Variants in NELL1 observed in about 807,000 individuals in gnomAD.
NELL1 encodes neural EGFL like 1.
NELL1 carries 76 observed loss-of-function variants against 107.4 expected under a neutral mutation model. The observed-to-expected ratio is 0.71, with a 90% CI of 0.59 to 0.86. NELL1 has a LOEUF of 0.86. Among genes scored for constraint, NELL1 ranks in the 40% least tolerant of loss-of-function variants. NELL1 has a pLI of 0.00. For synonymous variants in NELL1, 353 were observed against 341.2 expected, an observed-to-expected ratio of 1.03 and a Z score of -0.38; for missense variants, 1,024 against 1,005.5, an observed-to-expected ratio of 1.02 and a Z score of -0.25.
intron 3 of NELL1, among the ~76,000 whole-genome samples, chr11:20,807,732 C>T (rs556883808): frequency 1.3e-5 from 2 of 152,326 alleles, no homozygotes; most frequent in African/African-American, 4.8e-5. Context: ...GCATTATCTA[C>T]CTGTGACTGA....
At chr11:20,851,705 T>C (rs1277431900) in intron 4 of NELL1, among the ~76,000 whole-genome samples, 1 of 152,230 alleles carries the variant, frequency 6.6e-6, no homozygotes, top group African/African-American at 2.4e-5. Flanking sequence ...GCCCATCAAA[T>C]TTATTTATTG....
chr11:20,840,857 G>C lies in NELL1; in HGVS notation c.336-6726G>C, dbSNP rs12800221. On this transcript the variant is annotated intron_variant, in intron 3 of 19. Coordinates refer to ENST00000357134, the MANE Select transcript of NELL1 (RefSeq NM_006157.5). The stretch of plus-strand genomic sequence containing the variant: ...GGGAGATATTGTGTCTCAAAATACA[G>C]TTTTCCCAACAGAATATTAAGCCAT... Among the ~76,000 whole-genome samples the C allele has an allele frequency of 3.9e-5, 6 of 152,298 alleles. No individual in the cohort carries two copies. In the South Asian group the frequency reaches 1.0e-3, roughly 26 times the overall value.
chr11:21,335,714 T>C (rs915585543), intron 14 of NELL1, among the ~76,000 whole-genome samples: 1 of 152,058 alleles, frequency 6.6e-6, no homozygotes, highest in African/African-American at 2.4e-5. Flanking sequence ...CGCAAATCCA[T>C]TTGTACACAA....
At chr11:21,353,647 A>G (rs1850866345) in intron 14 of NELL1, among the ~76,000 whole-genome samples, 1 of 152,202 alleles carries the variant, frequency 6.6e-6, no homozygotes, top group Admixed American at 6.5e-5. Context: ...GAAAGCAGCT[A>G]TTAATCAGAC....
intron 15 of NELL1, among the ~76,000 whole-genome samples, chr11:21,460,963 A>G (rs1356599047): frequency 2.0e-5 from 3 of 152,118 alleles, no homozygotes; most frequent in African/African-American, 7.2e-5. Context: ...CATGTAGTGA[A>G]ATGTGAGATC....
chr11:20,998,585 G>A (rs967252204), intron 12 of NELL1, among the ~76,000 whole-genome samples: 1 of 152,118 alleles, frequency 6.6e-6, no homozygotes, highest in South Asian at 2.1e-4. Flanking sequence ...TCCTAGGTGT[G>A]TAAGCACCTT....
chr11:21,229,282 A>G, intron 13 of NELL1, 50 bp from the exon 14 acceptor site: 1 of 1,607,064 alleles, frequency 6.2e-7, no homozygotes, highest in South Asian at 1.1e-5. Context: ...AATACCAGTA[A>G]TTCCAACTTA....
At chr11:21,424,370 C>T (rs2133825873) in intron 15 of NELL1, among the ~76,000 whole-genome samples, 1 of 152,202 alleles carries the variant, frequency 6.6e-6, no homozygotes, top group Non-Finnish European at 1.5e-5. Context: ...CTTGTAATAC[C>T]AGCACTTTGG....
intron 7 of NELL1, among the ~76,000 whole-genome samples, chr11:20,921,016 C>T (rs1266295809): frequency 1.3e-5 from 2 of 152,056 alleles, no homozygotes; most frequent in African/African-American, 4.8e-5. Context: ...AATTTGAAAT[C>T]TATGATCATC....
intron 12 of NELL1, among the ~76,000 whole-genome samples, chr11:21,056,989 G>A (rs1590593023): frequency 6.6e-6 from 1 of 151,166 alleles, no homozygotes; most frequent in South Asian, 2.1e-4. Flanking sequence ...CAAAAAAAAT[G>A]AAGAAATTTC....
intron 10 of NELL1, among the ~76,000 whole-genome samples, chr11:20,946,404 G>A (rs1417815377): frequency 6.6e-6 from 1 of 152,038 alleles, no homozygotes; most frequent in African/African-American, 2.4e-5. Flanking sequence ...AGTAATTAAT[G>A]GAATAATTTT....
intron 15 of NELL1, among the ~76,000 whole-genome samples, chr11:21,404,611 G>A (rs768719520): frequency 9.2e-5 from 14 of 151,946 alleles, no homozygotes; most frequent in Non-Finnish European, 1.6e-4. Context: ...TTACTGTGAT[G>A]CTAGGCACTG....
intron 7 of NELL1, among the ~76,000 whole-genome samples, chr11:20,919,915 T>C (rs942698323): frequency 3.3e-5 from 5 of 152,106 alleles, no homozygotes; most frequent in African/African-American, 1.2e-4. Context: ...TTAACAAGCA[T>C]CTTTTGAGGA....
intron 14 of NELL1, among the ~76,000 whole-genome samples, chr11:21,232,772 G>T (rs1370662869): frequency 6.6e-6 from 1 of 152,096 alleles, no homozygotes; most frequent in Non-Finnish European, 1.5e-5. Context: ...TCCTGCCTCA[G>T]CTACTGAGAA....
chr11:21,254,320 A>T (rs1237906133), intron 14 of NELL1, among the ~76,000 whole-genome samples: 1 of 152,136 alleles, frequency 6.6e-6, no homozygotes, highest in African/African-American at 2.4e-5. Flanking sequence ...ATATGATGAT[A>T]GAAAAAAGCC....
intron 14 of NELL1, among the ~76,000 whole-genome samples, chr11:21,300,966 A>G (rs1170463809): frequency 6.6e-6 from 1 of 152,040 alleles, no homozygotes; most frequent in Non-Finnish European, 1.5e-5. Flanking sequence ...TCATTGTTCA[A>G]TTCCCACCTA....
chr11:20,847,054 C>A (rs1278695139), intron 3 of NELL1, among the ~76,000 whole-genome samples: 1 of 152,172 alleles, frequency 6.6e-6, no homozygotes, highest in Non-Finnish European at 1.5e-5. Context: ...AACCTTTTCT[C>A]CCCTACTCAT....
At position 20,897,770 on chromosome 11, in the gene NELL1, C is replaced by A. The variant is rs541679481; in HGVS notation, c.603+12230C>A. On this transcript the variant is annotated intron_variant, in intron 5 of 19. Transcript: ENST00000357134. The stretch of plus-strand genomic sequence containing the variant: ...CAAGTGGGCAAAGTATATGGATAGA[C>A]ACTTCTTAAAAGAAGACATTTATGC... 4.3e-4 allele frequency among the ~76,000 whole-genome samples: 65 copies of A among 152,332 alleles called. 1 individual carries two copies. Among genetic ancestry groups the A allele is most frequent in the African/African-American group, 1.5e-3 (62 of 41,564 alleles).
Position 21,105,305 on chromosome 11 carries a change from C to T in NELL1, c.1301-8284C>T, listed in dbSNP as rs140038956. On this transcript the variant is annotated intron_variant, in intron 12 of 19. Coordinates refer to ENST00000357134, the MANE Select transcript of NELL1 (RefSeq NM_006157.5). The stretch of plus-strand genomic sequence containing the variant: ...GGCCACCAAAGTGGGAATTTCTGCC[C>T]AAGGCAAAGTGCACAGTGTTTTATA... 2.5e-3 allele frequency among the ~76,000 whole-genome samples: 382 copies of T among 152,188 alleles called. 1 individual carries two copies. Among genetic ancestry groups the T allele is most frequent in the African/African-American group, 8.7e-3 (363 of 41,528 alleles).
Sources: allele counts gnomAD v4.1 joint callset (sites outside exome capture counted in the v4.1 genomes callset), GRCh38; gene constraint gnomAD v4.1.1; transcripts MANE v1.5; gene names NCBI Gene and HGNC (gene_info 2026-07-23, HGNC 2026-07-21).